PKD1: variants seen among roughly 807,000 people sequenced by gnomAD.
PKD1 encodes polycystin 1, transient receptor potential channel interacting.
Under a neutral mutation model 361.7 loss-of-function variants are expected in PKD1, and 81 were observed. That is an observed-to-expected ratio of 0.22 (90% CI 0.19 to 0.27). The LOEUF is 0.27. Among genes scored for constraint, PKD1 ranks in the 10% least tolerant of loss-of-function variants. PKD1 has a pLI of 1.00. For synonymous variants in PKD1, 3,615 were observed against 2,818.3 expected (o/e 1.28, Z -8.95); for missense variants, 6,399 against 6,118.3 (o/e 1.05, Z -1.53).
At chr16:2,096,811 C>G in intron 34 of PKD1, 1 of 367,806 alleles carries the variant, frequency 2.7e-6, no homozygotes, top group South Asian at 3.0e-5. Context: ...GCCACCGCGC[C>G]CGGCCAAAAA....
At chr16:2,092,349 A>C in intron 39 of PKD1, 131 bp downstream of exon 39, 1 of 991,062 alleles carries the variant, frequency 1.0e-6, no homozygotes, top group Non-Finnish European at 1.5e-6. Flanking sequence ...ATATACAGAG[A>C]AGGAAACGGC....
rs1164201638 is a variant in PKD1 at position 2,090,517 on chromosome 16, A to G, written c.12212T>C (p.Leu4071Pro). Reference sequence around the variant, plus strand: ...GGACTCGGCAGGACACAGGGTAGAGAGCCCAGTCCCAGGGCACAGCACCAA... The same window carrying G: ...GGACTCGGCAGGACACAGGGTAGAGGGCCCAGTCCCAGGGCACAGCACCAA... The part of the protein sequence containing the change: ...ALLVLCPGTG[L>P]STLCPAESWH... Residue 4071 changes from leucine (L) to proline (P), a missense_variant, in exon 45 of 46, where the codon CTC (leucine) becomes CCC (proline). Leu to Pro is a moderately conservative substitution (Grantham distance 98). Transcript: ENST00000262304. 1.2e-6 allele frequency: 2 copies of G among 1,611,104 alleles called. No homozygotes were observed. Among genetic ancestry groups the G allele is most frequent in the Admixed American group, 1.7e-5 (1 of 59,892 alleles).
intron 12 of PKD1, 53 bp downstream of exon 12, chr16:2,113,108 G>GCC: frequency 1.4e-6 from 1 of 736,282 alleles, no homozygotes; most frequent in Non-Finnish European, 2.3e-6. Flanking sequence ...GGTGGAGCCC[G>GCC]CCCCCGCCCT....
Position 2,109,500 on chromosome 16 carries a change from G to A in PKD1, c.5667C>T (p.Gly1889=), listed in dbSNP as rs2092446623. ...CCTTGCTGCTGGCCCACAGCACCAGGCCCACGATGGGCTCCTCCGCCGTGA... is the reference window on the plus strand; with the variant it reads ...CCTTGCTGCTGGCCCACAGCACCAGACCCACGATGGGCTCCTCCGCCGTGA... ...YNLTAEEPIV[G]LVLWASSKVV... is the part of the protein sequence containing the mutation. The change falls in exon 15 of 46, where the codon GGC becomes GGT. Residue 1889 remains glycine, a synonymous_variant. Coordinates refer to ENST00000262304, the MANE Select transcript of PKD1 (RefSeq NM_001009944.3). 1 of 1,609,774 alleles carries A rather than the reference G, an allele frequency of 6.2e-7. No individual in the cohort carries two copies. The highest frequency in any genetic ancestry group is 2.2e-5 in the East Asian group (1 of 44,812).
intron 1 of PKD1, among the ~76,000 whole-genome samples, chr16:2,121,860 CCCAGCAGGTG>C (rs1468301663): frequency 6.6e-6 from 1 of 152,218 alleles, no homozygotes; most frequent in African/African-American, 2.4e-5. Context: ...CCACGAGTGA[CCCAGCAGGTG>C]CCTCCGCCTA....
rs773976074 is a variant in PKD1 at position 2,092,989 on chromosome 16, C to T, written c.11121G>A (p.Gln3707=). ...HAYRLQSAIK[Q]ELHSRAFLAI... ...CCAGGAAGGCCCGGCTGTGCAGCTCCTGCTTGATGGCGCTTTGCAGACGGT... is the reference window on the plus strand; with the variant it reads ...CCAGGAAGGCCCGGCTGTGCAGCTCTTGCTTGATGGCGCTTTGCAGACGGT... The change falls in exon 38 of 46, where the codon CAG becomes CAA. Residue 3707 remains glutamine, a synonymous_variant. Coordinates refer to ENST00000262304, the MANE Select transcript of PKD1 (RefSeq NM_001009944.3). 6.2e-7 allele frequency: 1 copy of T among 1,613,026 alleles called. No homozygotes were observed. The highest frequency in any genetic ancestry group is 8.5e-7 in the Non-Finnish European group (1 of 1,180,026).
At chr16:2,095,848 C>T in intron 34 of PKD1, among the ~76,000 whole-genome samples, 1 of 152,202 alleles carries the variant, frequency 6.6e-6, no homozygotes, top group South Asian at 2.1e-4. Flanking sequence ...TTTCACAGAG[C>T]TTTGGGCCGG....
chr16:2,106,137 C>A lies in PKD1; in HGVS notation c.7657G>T (p.Val2553Leu), dbSNP rs750616566. 73 of 1,605,730 alleles carry A rather than the reference C, an allele frequency of 4.5e-5. No homozygotes were observed. The highest frequency in any genetic ancestry group is 5.9e-5 in the Non-Finnish European group (69 of 1,177,280). ...FRPHFEVGLA[V>L]VVQDQLGAAV... ...GCTCCCAGCTGGTCCTGCACCACCA[C>A]GGCCAGGCCCACCTCGAAGTGTGGC... The change falls in exon 19 of 46, where the codon GTG becomes TTG. Residue 2553 changes from valine to leucine, a missense_variant. Val to Leu is a conservative substitution (Grantham distance 32, BLOSUM62 1). Coordinates refer to ENST00000262304, the MANE Select transcript of PKD1 (RefSeq NM_001009944.3). The surrounding 1 kb of genome is among the most constrained non-coding windows in gnomAD (Gnocchi z 6.5).
At chr16:2,093,505 G>A (rs2151706863) in intron 37 of PKD1, 39 bp downstream of exon 37, 1 of 1,557,836 alleles carries the variant, frequency 6.4e-7, no homozygotes, top group Non-Finnish European at 8.7e-7. Context: ...GGAGACAAGA[G>A]ACGGAGGTGG....
chr16:2,088,881 G>GCGCGCACA lies in PKD1; in HGVS notation c.*845_*846insTGTGCGCG, dbSNP rs142285430. The GCGCGCACA allele has an allele frequency of 1.1e-3, 480 of 421,436 alleles. 2 individuals are homozygous for GCGCGCACA. The highest frequency in any genetic ancestry group is 2.3e-3 in the Admixed American group (57 of 25,032). The allele number at this position is 421,436 out of a possible 1,614,324, so 26.1% of individuals were successfully genotyped here. A position where few individuals can be genotyped will look rare whatever the true frequency, so the allele number is the denominator to read the frequency against. ...ACAGCACACTCGCGCGTGCGCGCGC[G>GCGCGCACA]CACACACACACACACACAGTCACCT... On this transcript the variant is annotated 3_prime_UTR_variant, in exon 46 of 46. Coordinates refer to ENST00000262304, the MANE Select transcript of PKD1 (RefSeq NM_001009944.3).
chr16:2,116,430 G>A (rs1286702644), intron 8 of PKD1, 99 bp downstream of exon 8: 5 of 678,428 alleles, frequency 7.4e-6, no homozygotes, highest in Admixed American at 6.7e-5. Context: ...GCAACATTAA[G>A]GCCCCCAAGT....
In PKD1 at chr16:2,112,396, G is replaced by T. The variant is rs746334905; in HGVS notation, c.3239C>A (p.Pro1080His). The T allele has an allele frequency of 1.2e-4, 191 of 1,587,932 alleles. 1 individual carries two copies. In the African/African-American group the frequency reaches 2.4e-3, roughly 20 times the overall value. Residue 1080 changes from proline to histidine, a missense_variant, in exon 14 of 46, where the codon CCC becomes CAC. Physicochemically the swap from Pro to His is moderately conservative, Grantham distance 77 (BLOSUM62 -2). Coordinates refer to ENST00000262304, the MANE Select transcript of PKD1 (RefSeq NM_001009944.3). ...CTCCACCAGCACCTGGGCCACCGAGGGGTCTGGAACCGGGAAGGACTCGTT... is the reference window on the plus strand; with the variant it reads ...CTCCACCAGCACCTGGGCCACCGAGTGGTCTGGAACCGGGAAGGACTCGTT... ...PYNESFPVPDPSVAQVLVEHN... is the reference protein window; with the variant it reads ...PYNESFPVPDHSVAQVLVEHN...
intron 7 of PKD1, 82 bp from the exon 8 acceptor site, chr16:2,116,726 A>C (rs1214425692): frequency 8.5e-7 from 1 of 1,174,960 alleles, no homozygotes; most frequent in Non-Finnish European, 1.2e-6. Context: ...AGCCGCCCGA[A>C]AACCCCCCCA....
chr16:2,107,860 G>A (rs2092399173), intron 16 of PKD1, 23 bp downstream of exon 16: 1 of 1,541,294 alleles, frequency 6.5e-7, no homozygotes. Flanking sequence ...AAGGCAAGTG[G>A]CCGAGGGGCG....
chr16:2,113,994 G>A, intron 11 of PKD1, 176 bp downstream of exon 11: 3 of 616,048 alleles, frequency 4.9e-6, no homozygotes, highest in South Asian at 1.9e-5. Context: ...GACTTTCCAG[G>A]AATTTAAAGC....
At chr16:2,103,206 A>C (rs2092172296) in intron 23 of PKD1, 60 bp downstream of exon 23, 2 of 1,547,802 alleles carry the variant, frequency 1.3e-6, no homozygotes, top group Admixed American at 3.5e-5. Context: ...CCCTACGAGA[A>C]ACGCCTTCCC....
Position 2,092,483 on chromosome 16 carries a change from C to T in PKD1, c.11266G>A (p.Glu3756Lys), listed in dbSNP as rs1567154931. The change falls in exon 39 of 46, where the codon GAA becomes AAA. Residue 3756 changes from glutamate to lysine, a missense_variant. Transcript: ENST00000262304. ...GGGGCACGCCCTGCCAGCTCACCTT[C>T]CTGCAGCCGCACCTGCCGCAGCCGT... ...PPRLRQVRLQ[E>K]ALYPDPPGPR... The T allele has an allele frequency of 1.3e-6, 2 of 1,599,330 alleles. No homozygotes were observed. The highest frequency in any genetic ancestry group is 3.3e-5 in the Admixed American group (2 of 59,940).
Position 2,091,065 on chromosome 16 carries a change from A to C in PKD1, c.11822T>G (p.Leu3941Arg), listed in dbSNP as rs2091495452. 1 of 1,518,476 alleles carries C rather than the reference A, an allele frequency of 6.6e-7. No homozygotes were observed. The highest frequency in any genetic ancestry group is 8.8e-7 in the Non-Finnish European group (1 of 1,138,754). The allele number at this position is 1,518,476 out of a possible 1,614,324, so 94.1% of individuals were successfully genotyped here. Residue 3941 changes from leucine to arginine, a missense_variant, in exon 43 of 46, where the codon CTG (leucine) becomes CGG (arginine). Physicochemically the swap from Leu to Arg is moderately radical, Grantham distance 102. Coordinates refer to ENST00000262304, the MANE Select transcript of PKD1 (RefSeq NM_001009944.3). Reference sequence around the variant, plus strand: ...TGCCGTGGCCGCCGTCAGCGCCACCAGCAGCCACCGCGCCCAGGCTCCGAG... The same window carrying C: ...TGCCGTGGCCGCCGTCAGCGCCACCCGCAGCCACCGCGCCCAGGCTCCGAG... Reference protein sequence around the residue: ...LRLGAWARWLLVALTAATALV... With the variant: ...LRLGAWARWLRVALTAATALV...
Position 2,102,512 on chromosome 16 carries a change from C to T in PKD1, c.9070G>A (p.Val3024Met). Residue 3024 changes from valine (V) to methionine (M), a missense_variant, in exon 25 of 46, where the codon GTG (valine) becomes ATG (methionine). Physicochemically the swap from Val to Met is conservative, Grantham distance 21 (BLOSUM62 1). Transcript: ENST00000262304. ...GGCAGCAGCCCCTCTGTCCGCCACA[C>T]CATGTCCTCCTCGCTGAAGTACTGG... ...LCQYFSEEDM[V>M]WRTEGLLPLE... 4 of 1,600,372 alleles carry T rather than the reference C, an allele frequency of 2.5e-6. No individual in the cohort carries two copies. Among genetic ancestry groups the T allele is most frequent in the Non-Finnish European group, 3.4e-6 (4 of 1,175,194 alleles).
Sources: allele counts gnomAD v4.1 joint callset (sites outside exome capture counted in the v4.1 genomes callset), GRCh38; gene constraint gnomAD v4.1.1; non-coding constraint Gnocchi (gnomAD v3.1); transcripts MANE v1.5; gene names NCBI Gene and HGNC (gene_info 2026-07-23, HGNC 2026-07-21).